Variants in TVP23B observed in about 807,000 individuals in gnomAD.
TVP23B encodes trans-golgi network vesicle protein 23 homolog B, also known as Golgi apparatus membrane protein TVP23 homolog B.
Under a neutral mutation model 30.6 loss-of-function variants are expected in TVP23B, and 10 were observed. The ratio of observed to expected loss-of-function variants is 0.33; its 90% confidence interval spans 0.20 to 0.55. The LOEUF (loss-of-function observed/expected upper bound fraction) is 0.55, where lower values mean the gene tolerates loss of function less well. Among genes scored for constraint, TVP23B ranks in the 20% least tolerant of loss-of-function variants. The pLI is 0.91. For missense variants in TVP23B, 153 were observed against 243.2 expected, an observed-to-expected ratio of 0.63 and a Z score of 2.47; for synonymous variants, 67 against 83.1, an observed-to-expected ratio of 0.81 and a Z score of 1.06.
At chr17:18,784,619 C>T (rs1290506309) in intron 1 of TVP23B, among the ~76,000 whole-genome samples, 2 of 152,180 alleles carry the variant, frequency 1.3e-5, no homozygotes, top group Non-Finnish European at 2.9e-5. Context: ...CCATTGCACT[C>T]CAGCCTGGCG....
Position 18,784,864 on chromosome 17 carries a change from T to C in TVP23B, c.12+3559T>C, listed in dbSNP as rs28417480. Among the ~76,000 whole-genome samples, 7 of 150,996 alleles carry C rather than the reference T, an allele frequency of 4.6e-5. No individual in the cohort carries two copies. The South Asian group carries it at 6.3e-4, about 13-fold the overall frequency. ...TTGTGATCTCTAATTATTGGAATGCTAGGAGTCTGTCTTAGCCATCTTTAT... is the reference window on the plus strand; with the variant it reads ...TTGTGATCTCTAATTATTGGAATGCCAGGAGTCTGTCTTAGCCATCTTTAT... On this transcript the variant is annotated intron_variant, in intron 1 of 6. Coordinates refer to ENST00000307767, the MANE Select transcript of TVP23B (RefSeq NM_016078.6).
chr17:18,790,096 A>G (rs998365850), intron 2 of TVP23B, among the ~76,000 whole-genome samples: 1 of 152,216 alleles, frequency 6.6e-6, no homozygotes, highest in African/African-American at 2.4e-5. Context: ...TGAATGTACT[A>G]AAAACCATTA....
intron 5 of TVP23B, 152 bp downstream of exon 5, chr17:18,799,095 A>C (rs1490230972): frequency 9.6e-6 from 8 of 832,974 alleles, no homozygotes; most frequent in African/African-American, 1.8e-5. Flanking sequence ...TCCCAACTTT[A>C]CCTTTCTCTA....
At chr17:18,805,213 C>T (rs181472760) in intron 6 of TVP23B, among the ~76,000 whole-genome samples, 159 of 151,600 alleles carry the variant, frequency 1.0e-3, no homozygotes, top group Non-Finnish European at 1.7e-3. Context: ...ATCAGCCTCC[C>T]GAGTAGCTGG....
chr17:18,789,496 A>G (rs2035959965), intron 2 of TVP23B, 61 bp downstream of exon 2: 2 of 1,606,858 alleles, frequency 1.2e-6, no homozygotes, highest in South Asian at 1.1e-5. Flanking sequence ...TATGTATGTC[A>G]GTGCTAGCTG....
At chr17:18,805,281 TC>T (rs928494045) in intron 6 of TVP23B, among the ~76,000 whole-genome samples, 1 of 151,790 alleles carries the variant, frequency 6.6e-6, no homozygotes, top group Non-Finnish European at 1.5e-5. Context: ...AGACGGGGTT[TC>T]ACCGTGTTAG....
At chr17:18,781,455 T>G in intron 1 of TVP23B, 150 bp downstream of exon 1, 1 of 1,392,118 alleles carries the variant, frequency 7.2e-7, no homozygotes, top group Non-Finnish European at 9.6e-7. Flanking sequence ...GGTAGTTGTC[T>G]GAGGAGGGCT....
At position 18,805,531 on chromosome 17, in the gene TVP23B, T is replaced by A. The variant is rs1426876915; in HGVS notation, c.592-10T>A. On this transcript the variant is annotated splice_polypyrimidine_tract_variant and intron_variant, in intron 6 of 6. Transcript: ENST00000307767. ...GATGTTAAGGAGTTTTTTTTTTTTG[T>A]CTTTTGCAGAACACTGGAGATGATC... 6.3e-7 allele frequency: 1 copy of A among 1,596,238 alleles called. No individual in the cohort carries two copies. Among genetic ancestry groups the A allele is most frequent in the Non-Finnish European group, 8.5e-7 (1 of 1,173,106 alleles).
At chr17:18,785,620 T>C (rs2035893918) in intron 1 of TVP23B, among the ~76,000 whole-genome samples, 2 of 152,036 alleles carry the variant, frequency 1.3e-5, no homozygotes, top group Admixed American at 6.5e-5. Context: ...ATGCCTCTAA[T>C]CGTAGCACTT....
intron 2 of TVP23B, among the ~76,000 whole-genome samples, chr17:18,790,481 A>AAAAAAAAG: frequency 3.5e-5 from 1 of 28,468 alleles, no homozygotes; most frequent in African/African-American, 1.1e-4. Flanking sequence ...AAAAAAAAAG[A>AAAAAAAAG]AAAGAAAGAA....
intron 1 of TVP23B, among the ~76,000 whole-genome samples, chr17:18,786,824 T>G (rs2035913443): frequency 6.6e-6 from 1 of 150,378 alleles, no homozygotes; most frequent in Admixed American, 6.6e-5. Flanking sequence ...AAACTTCCTG[T>G]ATTCCCACCT....
At chr17:18,790,481 A>AAAG (rs1555540742) in intron 2 of TVP23B, among the ~76,000 whole-genome samples, 315 of 28,392 alleles carry the variant, frequency 0.011, 3 homozygotes, top group African/African-American at 0.021. Flanking sequence ...AAAAAAAAAG[A>AAAG]AAAGAAAGAA....
At chr17:18,783,274 T>C (rs1354827283) in intron 1 of TVP23B, among the ~76,000 whole-genome samples, 2 of 151,920 alleles carry the variant, frequency 1.3e-5, no homozygotes, top group African/African-American at 2.4e-5. Flanking sequence ...CCCGGCTAAT[T>C]TTTGTATTTT....
rs1457853331 is a variant in TVP23B at position 18,797,667 on chromosome 17, A to G, written c.329A>G (p.Lys110Arg). The stretch of plus-strand genomic sequence containing the variant: ...AGCCATTGGGTGTTTGAATCTAGAA[A>G]GGTAAAGTGCCTTTTTTGTTTTAAA... ...GKSHWVFESRKESSQENKTVS... is the reference protein window; with the variant it reads ...GKSHWVFESRRESSQENKTVS... The change falls in exon 4 of 7, where the codon AAG becomes AGG. Residue 110 changes from lysine to arginine, a missense_variant and splice_region_variant. Physicochemically the swap from Lys to Arg is conservative, Grantham distance 26. This residue lies in a region of TVP23B where 53 missense variants were observed against 128.0 expected (regional missense o/e 0.41). Transcript: ENST00000307767. 2 of 1,584,952 alleles carry G rather than the reference A, an allele frequency of 1.3e-6. No individual in the cohort carries two copies. The highest frequency in any genetic ancestry group is 1.7e-6 in the Non-Finnish European group (2 of 1,168,472).
chr17:18,801,671 G>A (rs1430331540), intron 5 of TVP23B, among the ~76,000 whole-genome samples: 1 of 151,482 alleles, frequency 6.6e-6, no homozygotes. Flanking sequence ...TGGATTGTTT[G>A]TAAGACCTTA....
At chr17:18,789,471 TC>T (rs746610350) in intron 2 of TVP23B, 36 bp downstream of exon 2, 1 of 1,613,794 alleles carries the variant, frequency 6.2e-7, no homozygotes, top group Non-Finnish European at 8.5e-7. Context: ...TGTGTTAGTG[TC>T]CAGTGCTGTT....
chr17:18,795,214 T>G (rs1033822542), intron 3 of TVP23B, among the ~76,000 whole-genome samples: 8 of 151,380 alleles, frequency 5.3e-5, no homozygotes, highest in African/African-American at 1.5e-4. Context: ...TTTAGTAGAG[T>G]CAGGGTTTCA....
intron 2 of TVP23B, among the ~76,000 whole-genome samples, chr17:18,790,529 A>C: frequency 6.6e-6 from 1 of 151,684 alleles, no homozygotes; most frequent in African/African-American, 2.4e-5. Flanking sequence ...TTAATGTCTG[A>C]GTGATTTCTG....
At chr17:18,805,272 G>C (rs1255072509) in intron 6 of TVP23B, among the ~76,000 whole-genome samples, 3 of 151,548 alleles carry the variant, frequency 2.0e-5, no homozygotes, top group Non-Finnish European at 4.4e-5. Flanking sequence ...TTTTAGTAGA[G>C]ACGGGGTTTC....
Sources: gnomAD v4.1 joint callset for allele counts (sites outside exome capture counted in the v4.1 genomes callset) on GRCh38, gnomAD v4.1.1 for gene constraint, gnomAD v4.1.1 regional missense constraint, MANE v1.5 for transcripts, NCBI Gene and HGNC (gene_info 2026-07-23, HGNC 2026-07-21) for gene names.